The following PAX5 variants were observed in gnomAD, a reference collection of about 807,000 sequenced individuals.
PAX5 encodes the protein paired box 5, also known as paired box protein Pax-5.
A neutral mutation model predicts 43.7 loss-of-function variants in PAX5; 9 were observed. The ratio of observed to expected loss-of-function variants is 0.21; its 90% CI spans 0.12 to 0.36. The LOEUF (loss-of-function observed/expected upper bound fraction) is 0.36. Ranked by LOEUF, PAX5 falls within the 10% of genes least tolerant of loss-of-function variation. The probability of loss-of-function intolerance (pLI) is 1.00; values close to 1 mark genes in which losing one functional copy is unlikely to be tolerated. For synonymous variants in PAX5, 228 were observed against 214.3 expected, an observed-to-expected ratio of 1.06 and a Z score of -0.56; for missense variants, 383 against 532.7, an observed-to-expected ratio of 0.72 and a Z score of 2.77.
chr9:36,875,076 G>T (rs1356681620), intron 8 of PAX5, among the ~76,000 whole-genome samples: 1 of 152,192 alleles, frequency 6.6e-6, no homozygotes, highest in Non-Finnish European at 1.5e-5. Context: ...CAGAACCAGG[G>T]AGTCTGGCTC....
chr9:36,912,165 G>A (rs536746843), intron 7 of PAX5, among the ~76,000 whole-genome samples: 14 of 152,340 alleles, frequency 9.2e-5, no homozygotes, highest in Middle Eastern at 3.4e-3. Flanking sequence ...GAGAGCTGTC[G>A]CTGGGCAAAT....
At chr9:36,964,041 G>A (rs1024108803) in intron 6 of PAX5, among the ~76,000 whole-genome samples, 17 of 152,310 alleles carry the variant, frequency 1.1e-4, no homozygotes, top group East Asian at 5.8e-4. Flanking sequence ...AGCACTTTGG[G>A]AGGCCGAGGC....
chr9:36,962,861 G>A (rs950453891), intron 6 of PAX5, among the ~76,000 whole-genome samples: 6 of 152,132 alleles, frequency 3.9e-5, no homozygotes, highest in South Asian at 2.1e-4. Context: ...GCCAGCCTCC[G>A]CGGCCAGCAC....
At chr9:36,991,164 T>C (rs1055871428) in intron 5 of PAX5, among the ~76,000 whole-genome samples, 3 of 152,180 alleles carry the variant, frequency 2.0e-5, no homozygotes, top group African/African-American at 7.2e-5. Flanking sequence ...ACACTCTCCT[T>C]TTCCTAAAGC....
intron 6 of PAX5, among the ~76,000 whole-genome samples, chr9:36,954,148 CT>C (rs1008069840): frequency 2.9e-4 from 43 of 150,214 alleles, no homozygotes; most frequent in African/African-American, 4.1e-4. Flanking sequence ...TCTCTTCTTA[CT>C]TTTTTTTTTC....
chr9:37,032,465 G>A lies in PAX5; in HGVS notation c.46+1521C>T, dbSNP rs562823103. Reference sequence around the variant, plus strand: ...CCTTCTGAGAATTGAGGATGGAGAAGAGGAGTTTCCAGGTAACTTTTCCTG... The same window carrying A: ...CCTTCTGAGAATTGAGGATGGAGAAAAGGAGTTTCCAGGTAACTTTTCCTG... On this transcript the variant is annotated intron_variant, in intron 1 of 9. Coordinates refer to ENST00000358127, the MANE Select transcript of PAX5 (RefSeq NM_016734.3). Among the ~76,000 whole-genome samples, 67 of 152,324 alleles carry A rather than the reference G, an allele frequency of 4.4e-4. 1 individual carries two copies. Among genetic ancestry groups the A allele is most frequent in the African/African-American group, 1.6e-3 (65 of 41,582 alleles).
At chr9:36,858,823 C>T (rs1404113025) in intron 8 of PAX5, among the ~76,000 whole-genome samples, 2 of 152,120 alleles carry the variant, frequency 1.3e-5, no homozygotes, top group Non-Finnish European at 2.9e-5. Flanking sequence ...CAGGGGTCCT[C>T]CTTGGAAGAA....
At chr9:36,967,252 A>T (rs1213502154) in intron 5 of PAX5, among the ~76,000 whole-genome samples, 2 of 152,214 alleles carry the variant, frequency 1.3e-5, no homozygotes, top group Non-Finnish European at 2.9e-5. Context: ...ACTCTCATAC[A>T]ATTCTGGTGG....
chr9:36,911,505 C>T (rs1194339639), intron 7 of PAX5, among the ~76,000 whole-genome samples: 1 of 152,212 alleles, frequency 6.6e-6, no homozygotes, highest in Non-Finnish European at 1.5e-5. Flanking sequence ...CATGGAATTC[C>T]GAGGACGGCC....
intron 5 of PAX5, among the ~76,000 whole-genome samples, chr9:36,993,205 C>T (rs1023051909): frequency 2.6e-5 from 4 of 152,202 alleles, no homozygotes; most frequent in Admixed American, 1.3e-4. Flanking sequence ...GAACTGTAAG[C>T]CAATGCCATT....
chr9:36,879,527 A>T (rs1433532067), intron 8 of PAX5, among the ~76,000 whole-genome samples: 1 of 152,190 alleles, frequency 6.6e-6, no homozygotes, highest in Non-Finnish European at 1.5e-5. Context: ...CAGGCAGCCC[A>T]GGGCACAGGA....
At chr9:36,956,759 T>C (rs1021045965) in intron 6 of PAX5, among the ~76,000 whole-genome samples, 2 of 152,164 alleles carry the variant, frequency 1.3e-5, no homozygotes, top group African/African-American at 2.4e-5. Context: ...TGAGGTCCCA[T>C]AGAGTCCATG....
chr9:37,026,391 TG>T, intron 1 of PAX5: 1 of 677,310 alleles, frequency 1.5e-6, no homozygotes, highest in Non-Finnish European at 2.1e-6. Flanking sequence ...GTCCCCTGCC[TG>T]GGATCCCTGC....
intron 7 of PAX5, among the ~76,000 whole-genome samples, chr9:36,901,253 T>C (rs1010052292): frequency 6.6e-6 from 1 of 152,118 alleles, no homozygotes; most frequent in African/African-American, 2.4e-5. Flanking sequence ...AGCTGCTTTC[T>C]TCACTCATCC....
rs573906258 is a variant in PAX5, at chr9:36,947,248, T to C, written c.780+19301A>G. On this transcript the variant is annotated intron_variant, in intron 6 of 9. Coordinates refer to ENST00000358127, the MANE Select transcript of PAX5 (RefSeq NM_016734.3). Reference sequence around the variant, plus strand: ...CTCCAACATCCAAAGTGACAAGCCCTGATGTTTAAAAGATGAAAAATTACA... The same window carrying C: ...CTCCAACATCCAAAGTGACAAGCCCCGATGTTTAAAAGATGAAAAATTACA... Among the ~76,000 whole-genome samples, 30 of 152,286 alleles carry C rather than the reference T, an allele frequency of 2.0e-4. 1 individual carries two copies. The South Asian group carries it at 6.0e-3, about 31-fold the overall frequency.
At position 37,015,308 on chromosome 9, in the gene PAX5, A is replaced by G; in HGVS notation, c.213-114T>C. On this transcript the variant is annotated intron_variant, in intron 2 of 9. Coordinates refer to ENST00000358127, the MANE Select transcript of PAX5 (RefSeq NM_016734.3). The surrounding 1 kb of genome is among the most constrained non-coding windows in gnomAD (Gnocchi z 4.4). ...CGTCCGGATCTGCACGTTCCAATAC[A>G]GTAGCCACCAGCCAGATGCGGCTTT... 1 of 796,416 alleles carries G rather than the reference A, an allele frequency of 1.3e-6. No homozygotes were observed. Among genetic ancestry groups the G allele is most frequent in the South Asian group, 1.8e-5 (1 of 56,562 alleles). 49.3% of individuals were successfully genotyped at this position (796,416 alleles called of 1,614,324 possible).
chr9:36,913,346 C>T (rs1233903669), intron 7 of PAX5, among the ~76,000 whole-genome samples: 4 of 152,242 alleles, frequency 2.6e-5, no homozygotes, highest in Non-Finnish European at 5.9e-5. Flanking sequence ...AGATGCTCCT[C>T]AGGGAAAAAG....
At chr9:36,949,194 G>A (rs1215203888) in intron 6 of PAX5, among the ~76,000 whole-genome samples, 1 of 151,866 alleles carries the variant, frequency 6.6e-6, no homozygotes, top group African/African-American at 2.4e-5. Context: ...CCAAGCAGCT[G>A]GGACCACAGG....
At chr9:36,947,654 G>A (rs994997060) in intron 6 of PAX5, among the ~76,000 whole-genome samples, 1 of 151,958 alleles carries the variant, frequency 6.6e-6, no homozygotes, top group African/African-American at 2.4e-5. Flanking sequence ...TTACATTACT[G>A]TATTACATAT....
Sources: gnomAD v4.1 joint callset for allele counts (sites outside exome capture counted in the v4.1 genomes callset) on GRCh38, gnomAD v4.1.1 for gene constraint, Gnocchi (gnomAD v3.1) non-coding constraint, MANE v1.5 for transcripts, NCBI Gene and HGNC (gene_info 2026-07-23, HGNC 2026-07-21) for gene names.